The following SEMA3A variants were observed in gnomAD, a reference collection of about 807,000 sequenced individuals.
SEMA3A encodes the protein semaphorin-3A.
SEMA3A carries 29 observed loss-of-function variants against 97.9 expected under a neutral mutation model. The observed-to-expected ratio is 0.30, with a 90% confidence interval of 0.22 to 0.40. The LOEUF (loss-of-function observed/expected upper bound fraction) is 0.40, where lower values mean the gene tolerates loss of function less well. Ranked by LOEUF, SEMA3A falls within the 10% of genes least tolerant of loss-of-function variation. The pLI is 1.00. For synonymous variants in SEMA3A, 321 were observed against 323.7 expected, an observed-to-expected ratio of 0.99 and a Z score of 0.09; for missense variants, 763 against 951.3, an observed-to-expected ratio of 0.80 and a Z score of 2.60.
intron 1 of SEMA3A, among the ~76,000 whole-genome samples, chr7:84,489,419 C>T (rs1044377372): frequency 8.6e-5 from 13 of 152,014 alleles, no homozygotes; most frequent in Admixed American, 7.9e-4. Flanking sequence ...TTTTCACATT[C>T]GTAAATGAGA....
intron 6 of SEMA3A, among the ~76,000 whole-genome samples, chr7:84,031,413 A>C (rs35055790): frequency 0.69 from 104,547 of 151,656 alleles, 36,226 homozygotes; most frequent in Middle Eastern, 0.77. Context: ...TTCTGGCCAA[A>C]AAATTCTATA....
chr7:83,977,775 G>T (rs1312728755), intron 14 of SEMA3A, among the ~76,000 whole-genome samples: 6 of 144,102 alleles, frequency 4.2e-5, no homozygotes, highest in African/African-American at 1.3e-4. Context: ...CTTGGTTATT[G>T]TATCAACCTA....
At chr7:84,119,613 T>C (rs1795541044) in intron 3 of SEMA3A, among the ~76,000 whole-genome samples, 1 of 152,164 alleles carries the variant, frequency 6.6e-6, no homozygotes, top group African/African-American at 2.4e-5. Context: ...TCTTGAGACA[T>C]AACACGTCTG....
intron 1 of SEMA3A, among the ~76,000 whole-genome samples, chr7:84,440,958 A>T (rs930350130): frequency 6.6e-6 from 1 of 152,132 alleles, no homozygotes; most frequent in Non-Finnish European, 1.5e-5. Flanking sequence ...CGGGAGTTCG[A>T]GACCAGCCTG....
chr7:84,303,628 C>T (rs968248919), intron 3 of SEMA3A, among the ~76,000 whole-genome samples: 22 of 151,788 alleles, frequency 1.4e-4, no homozygotes, highest in African/African-American at 4.8e-4. Flanking sequence ...AATTTTTCAA[C>T]TTCACAATGA....
chr7:84,328,272 C>T (rs1801815918), intron 2 of SEMA3A, among the ~76,000 whole-genome samples: 2 of 152,002 alleles, frequency 1.3e-5, no homozygotes, highest in Admixed American at 6.6e-5. Flanking sequence ...CTCATCTTTA[C>T]ATTTCATAAT....
intron 3 of SEMA3A, among the ~76,000 whole-genome samples, chr7:84,217,390 G>A (rs1039887126): frequency 1.2e-4 from 19 of 152,200 alleles, no homozygotes; most frequent in African/African-American, 4.6e-4. Flanking sequence ...TGGTTAAAAG[G>A]AAACAAAGTC....
intron 3 of SEMA3A, among the ~76,000 whole-genome samples, chr7:84,258,529 G>A (rs968435004): frequency 5.3e-5 from 8 of 149,790 alleles, no homozygotes; most frequent in African/African-American, 2.0e-4. Context: ...GAAAAAAAAT[G>A]GGGACAGTCA....
chr7:84,130,517 C>T (rs1434771471), intron 2 of SEMA3A, among the ~76,000 whole-genome samples: 1 of 151,988 alleles, frequency 6.6e-6, no homozygotes, highest in Non-Finnish European at 1.5e-5. Flanking sequence ...CATTTGCCTG[C>T]ATATGTAAAT....
intron 6 of SEMA3A, among the ~76,000 whole-genome samples, chr7:84,030,987 G>GTTTTTTTTTTTTTT (rs10615974): frequency 1.1e-5 from 1 of 95,022 alleles, no homozygotes; most frequent in African/African-American, 4.3e-5. Flanking sequence ...TTTTGGTCAA[G>GTTTTTTTTTTTTTT]TTTTTTTTTT....
intron 1 of SEMA3A, among the ~76,000 whole-genome samples, chr7:84,165,025 T>C (rs1215469745): frequency 2.0e-5 from 3 of 152,040 alleles, no homozygotes; most frequent in African/African-American, 7.3e-5. Context: ...CTGAGCAACA[T>C]GGCGAAACCC....
intron 9 of SEMA3A, among the ~76,000 whole-genome samples, chr7:84,009,921 A>AAC (rs1043701543): frequency 6.6e-6 from 1 of 151,412 alleles, no homozygotes; most frequent in Non-Finnish European, 1.5e-5. Context: ...AAAAAAAAAA[A>AAC]AAAAAAACCC....
chr7:84,305,211 A>G (rs1196271948), intron 3 of SEMA3A, among the ~76,000 whole-genome samples: 1 of 151,700 alleles, frequency 6.6e-6, no homozygotes, highest in Admixed American at 6.6e-5. Flanking sequence ...TGATATGTTA[A>G]CAATTCTTTT....
intron 6 of SEMA3A, among the ~76,000 whole-genome samples, chr7:84,019,581 C>A (rs1791244805): frequency 6.6e-6 from 1 of 152,078 alleles, no homozygotes; most frequent in African/African-American, 2.4e-5. Flanking sequence ...TGAAAATAAA[C>A]TTCCACAGAC....
At chr7:84,170,832 A>G (rs1361958641) in intron 1 of SEMA3A, among the ~76,000 whole-genome samples, 1 of 152,080 alleles carries the variant, frequency 6.6e-6, no homozygotes, top group Non-Finnish European at 1.5e-5. Context: ...GACTGTTGAA[A>G]CAATAACATT....
intron 3 of SEMA3A, among the ~76,000 whole-genome samples, chr7:84,213,209 T>C (rs947490497): frequency 6.6e-6 from 1 of 152,182 alleles, no homozygotes; most frequent in African/African-American, 2.4e-5. Context: ...ACTCCTGACC[T>C]CAGGTGATCC....
chr7:84,421,957 G>C (rs1445579446), intron 1 of SEMA3A, among the ~76,000 whole-genome samples: 4 of 152,028 alleles, frequency 2.6e-5, no homozygotes, highest in African/African-American at 9.7e-5. Flanking sequence ...ATGTTCTTCA[G>C]GGATATTGGC....
chr7:84,246,756 T>A (rs1187787327), intron 3 of SEMA3A, among the ~76,000 whole-genome samples: 2 of 152,124 alleles, frequency 1.3e-5, no homozygotes, highest in African/African-American at 4.8e-5. Flanking sequence ...TTGATATGTA[T>A]ACATGTACAA....
chr7:84,287,828 G>T (rs1800629768), intron 3 of SEMA3A, among the ~76,000 whole-genome samples: 1 of 152,078 alleles, frequency 6.6e-6, no homozygotes, highest in African/African-American at 2.4e-5. Flanking sequence ...GTTTGCATTA[G>T]AAAGTTCTTA....
Sources: gnomAD v4.1 joint callset for allele counts (sites outside exome capture counted in the v4.1 genomes callset) on GRCh38, gnomAD v4.1.1 for gene constraint, MANE v1.5 for transcripts, NCBI Gene and HGNC (gene_info 2026-07-23, HGNC 2026-07-21) for gene names.